The following TENM3 variants were observed in gnomAD, a reference collection of about 807,000 sequenced individuals.
TENM3 encodes the protein teneurin transmembrane protein 3, also known as teneurin-3.
Under a neutral mutation model 255.1 loss-of-function variants are expected in TENM3, and 63 were observed. The ratio of observed to expected loss-of-function variants is 0.25; its 90% confidence interval spans 0.20 to 0.30. TENM3 has a LOEUF of 0.30. Ranked by LOEUF, TENM3 falls within the 10% of genes least tolerant of loss-of-function variation. The pLI is 1.00. For synonymous variants in TENM3, 1,306 were observed against 1,322.3 expected (o/e 0.99, Z 0.27); for missense variants, 2,929 against 3,461.1 (o/e 0.85, Z 3.86).
chr4:181,673,868 G>A, the TENM3 span, among the ~76,000 whole-genome samples: 6 of 150,050 alleles, frequency 4.0e-5, no homozygotes, highest in East Asian at 1.9e-4. Context: ...GTGTGTGTGT[G>A]TGTGTGTGTG....
the TENM3 span, among the ~76,000 whole-genome samples, chr4:182,014,371 CTCTT>C: frequency 6.6e-6 from 1 of 151,996 alleles, no homozygotes; most frequent in African/African-American, 2.4e-5. Flanking sequence ...AATCACAAAA[CTCTT>C]TCCCAAAACA....
intron 3 of TENM3, among the ~76,000 whole-genome samples, chr4:182,363,196 C>T (rs1410336408): frequency 1.3e-5 from 2 of 152,116 alleles, no homozygotes; most frequent in Non-Finnish European, 2.9e-5. Flanking sequence ...GGAGCCAGAA[C>T]TATAGGATTG....
intron 19 of TENM3, among the ~76,000 whole-genome samples, chr4:182,747,018 A>G (rs774658877): frequency 1.3e-5 from 2 of 152,148 alleles, no homozygotes; most frequent in Non-Finnish European, 2.9e-5. Flanking sequence ...GTACCTGCCT[A>G]TCGTTACCTT....
chr4:181,637,584 A>C, the TENM3 span, among the ~76,000 whole-genome samples: 1 of 152,152 alleles, frequency 6.6e-6, no homozygotes, highest in African/African-American at 2.4e-5. Context: ...GAAAAGCCAA[A>C]ACTTTGGTGG....
intron 1 of TENM3, among the ~76,000 whole-genome samples, chr4:182,146,688 A>C (rs2149560535): frequency 6.6e-6 from 1 of 152,332 alleles, no homozygotes; most frequent in African/African-American, 2.4e-5. Context: ...GTTTTTATAA[A>C]AAATGTAGTT....
the TENM3 span, among the ~76,000 whole-genome samples, chr4:181,966,358 G>A: frequency 1.3e-5 from 2 of 152,162 alleles, 1 homozygote; most frequent in East Asian, 3.9e-4. Context: ...GAGCCATATG[G>A]TGGAGTATTT....
At position 182,793,090 on chromosome 4, in the gene TENM3, A is replaced by C; in HGVS notation, c.6418A>C (p.Thr2140Pro). ...YEYDVDGQLQTVYLNEKIMWR... is the reference protein window; with the variant it reads ...YEYDVDGQLQPVYLNEKIMWR... ...ATATGATGTTGATGGACAGCTCCAA[A>C]CAGTTTACCTCAATGAAAAGATAAT... is the stretch of plus-strand genomic sequence containing the variant. Residue 2140 changes from threonine (T) to proline (P), a missense_variant, in exon 26 of 28, where the codon ACA becomes CCA. Transcript: ENST00000511685. This position sits in a 1 kb window ranked among gnomAD's most constrained non-coding sequence, Gnocchi z 5.7. 6.2e-7 allele frequency: 1 copy of C among 1,614,016 alleles called. No homozygotes were observed. The highest frequency in any genetic ancestry group is 8.5e-7 in the Non-Finnish European group (1 of 1,179,888).
chr4:182,382,530 T>C (rs1370556481), intron 3 of TENM3, among the ~76,000 whole-genome samples: 5 of 152,188 alleles, frequency 3.3e-5, no homozygotes, highest in Non-Finnish European at 5.9e-5. Flanking sequence ...ATGGGCTAAA[T>C]AGCCTTTGCC....
the TENM3 span, among the ~76,000 whole-genome samples, chr4:182,091,890 C>T: frequency 4.6e-5 from 7 of 152,108 alleles, no homozygotes; most frequent in Admixed American, 2.0e-4. Flanking sequence ...GATAAATAAC[C>T]AGCACACATG....
At chr4:182,460,244 T>C (rs1048606249) in intron 3 of TENM3, among the ~76,000 whole-genome samples, 13 of 152,264 alleles carry the variant, frequency 8.5e-5, no homozygotes, top group African/African-American at 3.1e-4. Flanking sequence ...AAACAATACA[T>C]TGAATTATTT....
At chr4:181,585,345 A>G in the TENM3 span, among the ~76,000 whole-genome samples, 4 of 152,156 alleles carry the variant, frequency 2.6e-5, no homozygotes, top group African/African-American at 9.7e-5. Context: ...TGTTGTTCTT[A>G]TTTGTATATC....
intron 3 of TENM3, among the ~76,000 whole-genome samples, chr4:182,448,421 G>A (rs1773118226): frequency 6.6e-6 from 1 of 152,138 alleles, no homozygotes; most frequent in South Asian, 2.1e-4. Context: ...GGCAGGCAGC[G>A]CGTCCCGCGA....
At chr4:181,642,002 G>T in the TENM3 span, among the ~76,000 whole-genome samples, 1 of 151,200 alleles carries the variant, frequency 6.6e-6, no homozygotes, top group Non-Finnish European at 1.5e-5. Flanking sequence ...TGGGATTGCT[G>T]GGTCAAATGG....
At chr4:182,780,121 G>A (rs1292377673) in intron 24 of TENM3, among the ~76,000 whole-genome samples, 2 of 152,140 alleles carry the variant, frequency 1.3e-5, no homozygotes, top group East Asian at 1.9e-4. Context: ...TAGACATGAA[G>A]TCCTTGCGCA....
chr4:181,649,388 T>C, the TENM3 span, among the ~76,000 whole-genome samples: 1 of 152,230 alleles, frequency 6.6e-6, no homozygotes, highest in Non-Finnish European at 1.5e-5. Flanking sequence ...TCATATTTGA[T>C]GAAGGCTTCT....
At chr4:182,129,153 CATA>C in the TENM3 span, among the ~76,000 whole-genome samples, 4 of 152,176 alleles carry the variant, frequency 2.6e-5, no homozygotes, top group Non-Finnish European at 5.9e-5. Flanking sequence ...TTTAAATTCA[CATA>C]ATATCATCTG....
the TENM3 span, among the ~76,000 whole-genome samples, chr4:182,070,044 C>T: frequency 5.9e-5 from 9 of 152,116 alleles, no homozygotes; most frequent in Non-Finnish European, 1.3e-4. Flanking sequence ...TGTTTCTAGG[C>T]AGAGGCTGCA....
the TENM3 span, among the ~76,000 whole-genome samples, chr4:181,821,026 G>C: frequency 1.3e-5 from 2 of 152,146 alleles, no homozygotes; most frequent in Admixed American, 6.5e-5. Context: ...AGTTCTGCCT[G>C]TTACTCAAGT....
intron 3 of TENM3, among the ~76,000 whole-genome samples, chr4:182,468,835 TG>T (rs1394000328): frequency 1.7e-4 from 14 of 82,366 alleles, no homozygotes; most frequent in Non-Finnish European, 3.5e-4. Context: ...TGTGTGTGTG[TG>T]TGTGTGTGTG....
Sources: gnomAD v4.1 joint callset for allele counts (sites outside exome capture counted in the v4.1 genomes callset) on GRCh38, gnomAD v4.1.1 for gene constraint, Gnocchi (gnomAD v3.1) non-coding constraint, MANE v1.5 for transcripts, NCBI Gene and HGNC (gene_info 2026-07-23, HGNC 2026-07-21) for gene names.